The following TNRC6A variants were observed in gnomAD, a reference collection of about 807,000 sequenced individuals.
TNRC6A encodes trinucleotide repeat-containing gene 6A protein.
A neutral mutation model predicts 221.2 loss-of-function variants in TNRC6A; 44 were observed. The ratio of observed to expected loss-of-function variants is 0.20; its 90% CI spans 0.16 to 0.26. The LOEUF (loss-of-function observed/expected upper bound fraction) is 0.26, where lower values mean the gene tolerates loss of function less well. Among genes scored for constraint, TNRC6A ranks in the 10% least tolerant of loss-of-function variants. The pLI is 1.00. For missense variants in TNRC6A, 2,199 were observed against 2,404.4 expected (o/e 0.91, Z 1.79); for synonymous variants, 847 against 838.5 (o/e 1.01, Z -0.18).
chr16:24,627,154 G>A (rs1329196862), intron 1 of TNRC6A, among the ~76,000 whole-genome samples: 1 of 151,924 alleles, frequency 6.6e-6, no homozygotes, highest in Admixed American at 6.6e-5. Flanking sequence ...CTCACCTGCC[G>A]CAGCTTCTGT....
chr16:24,776,466 G>T (rs2057719858), intron 4 of TNRC6A: 1 of 985,250 alleles, frequency 1.0e-6, no homozygotes, highest in Non-Finnish European at 1.2e-6. Flanking sequence ...ACCTTGTGTT[G>T]TTCTTGTGTT....
intron 1 of TNRC6A, among the ~76,000 whole-genome samples, chr16:24,627,697 C>CTTTTTTT (rs57520356): frequency 9.8e-6 from 1 of 101,784 alleles, no homozygotes; most frequent in Non-Finnish European, 1.9e-5. Flanking sequence ...TCTTTTCTTG[C>CTTTTTTT]TTTTTTTTTT....
chr16:24,809,271 C>G lies in TNRC6A; in HGVS notation c.4541-79C>G, dbSNP rs533236597. ...TTGAAAACATTAGTTACATGTTTTT[C>G]TAGGAAATAGAAGTTGTGCTACTAG... On this transcript the variant is annotated intron_variant, in intron 17 of 24. Transcript: ENST00000395799. The G allele has an allele frequency of 3.2e-5, 41 of 1,288,540 alleles. No homozygotes were observed. The East Asian group carries it at 1.0e-3, about 32-fold the overall frequency. 79.8% of individuals were successfully genotyped at this position (1,288,540 alleles called of 1,614,324 possible). A position where few individuals can be genotyped will look rare whatever the true frequency, so the allele number is the denominator to read the frequency against.
Position 24,729,949 on chromosome 16 carries a change from C to T in TNRC6A, c.5+103C>T, listed in dbSNP as rs1027155262. The T allele has an allele frequency of 7.6e-6, 8 of 1,046,726 alleles. No homozygotes were observed. The South Asian group carries it at 2.3e-4, about 30-fold the overall frequency. The allele number at this position is 1,046,726 out of a possible 1,614,324, so 64.8% of individuals were successfully genotyped here. On this transcript the variant is annotated intron_variant, in intron 1 of 24. Coordinates refer to ENST00000395799, the MANE Select transcript of TNRC6A (RefSeq NM_014494.4). ...CAGCAGAGGCGGCGGCGCCGGGCGT[C>T]CCCGAGACTTCGGGCCTCGGCGGGA...
At chr16:24,805,547 C>T (rs547320618) in intron 14 of TNRC6A, 58 bp from the exon 15 acceptor site, 23 of 1,597,540 alleles carry the variant, frequency 1.4e-5, no homozygotes, top group South Asian at 4.5e-5. Context: ...ACACACAGTA[C>T]GTGTAGTTAG....
chr16:24,791,346 A>G lies in TNRC6A; in HGVS notation c.2704A>G (p.Ile902Val), dbSNP rs764032897. The change falls in exon 6 of 25, where the codon ATA becomes GTA. Residue 902 changes from isoleucine to valine, a missense_variant. This residue lies in a region of TNRC6A where 1,405 missense variants were observed against 1,400.2 expected (regional missense o/e 1.00). Coordinates refer to ENST00000395799, the MANE Select transcript of TNRC6A (RefSeq NM_014494.4). ...TAGTTCTTTCACTTGGGGAAACAAC[A>G]TAAATCCAAATAATTCATCAGGATG... Reference protein sequence around the residue: ...KTSSFTWGNNINPNNSSGWDE... With the variant: ...KTSSFTWGNNVNPNNSSGWDE... 29 of 1,599,548 alleles carry G rather than the reference A, an allele frequency of 1.8e-5. No homozygotes were observed. Among genetic ancestry groups the G allele is most frequent in the East Asian group, 2.2e-5 (1 of 44,816 alleles).
At position 24,816,807 on chromosome 16, in the gene TNRC6A, C is replaced by T. The variant is rs772321361; in HGVS notation, c.4832-9C>T. Reference sequence around the variant, plus strand: ...AAGCTTTGAACTAATTTTAAATTTCCGTTTCCAGAATTTCGTCCTGGTGAG... The same window carrying T: ...AAGCTTTGAACTAATTTTAAATTTCTGTTTCCAGAATTTCGTCCTGGTGAG... On this transcript the variant is annotated splice_polypyrimidine_tract_variant and intron_variant, in intron 19 of 24. Coordinates refer to ENST00000395799, the MANE Select transcript of TNRC6A (RefSeq NM_014494.4). 6 of 1,598,652 alleles carry T rather than the reference C, an allele frequency of 3.8e-6. No homozygotes were observed. The highest frequency in any genetic ancestry group is 2.3e-5 in the South Asian group (2 of 87,942).
intron 2 of TNRC6A, among the ~76,000 whole-genome samples, chr16:24,654,463 G>C (rs1902843969): frequency 1.3e-5 from 2 of 152,134 alleles, no homozygotes; most frequent in African/African-American, 4.8e-5. Flanking sequence ...CCAGCACTTT[G>C]GGAAGCCAAG....
chr16:24,767,689 A>C (rs2057502631), intron 4 of TNRC6A, among the ~76,000 whole-genome samples: 1 of 152,168 alleles, frequency 6.6e-6, no homozygotes, highest in Non-Finnish European at 1.5e-5. Context: ...GTTTATTTTT[A>C]TACTGTATAT....
At chr16:24,669,753 G>T (rs1305508316) in intron 2 of TNRC6A, among the ~76,000 whole-genome samples, 2 of 151,850 alleles carry the variant, frequency 1.3e-5, no homozygotes, top group Non-Finnish European at 2.9e-5. Flanking sequence ...GCTGGCAGGA[G>T]GAGGAATAAC....
At chr16:24,647,661 G>T (rs955885494) in intron 2 of TNRC6A, among the ~76,000 whole-genome samples, 6 of 152,138 alleles carry the variant, frequency 3.9e-5, no homozygotes, top group African/African-American at 1.2e-4. Context: ...GCCCAGGCTG[G>T]AGTGCAGTGG....
rs181686692 is a variant in TNRC6A, at chr16:24,636,021, C to T, written n.277-4863C>T. Among the ~76,000 whole-genome samples, 4 of 152,310 alleles carry T rather than the reference C, an allele frequency of 2.6e-5. No individual in the cohort carries two copies. In the East Asian group the frequency reaches 7.7e-4, roughly 29 times the overall value. On this transcript the variant is annotated intron_variant and non_coding_transcript_variant, in intron 1 of 2. Coordinates refer to the TNRC6A transcript ENST00000566108. The stretch of plus-strand genomic sequence containing the variant: ...ACCCATCCAAGTGCATTGGATTTGG[C>T]AATATGCAGGGCACTGATCGCCTTG...
intron 11 of TNRC6A, 132 bp downstream of exon 11, chr16:24,798,098 G>A (rs1357141756): frequency 3.1e-6 from 2 of 636,640 alleles, no homozygotes; most frequent in South Asian, 3.0e-5. Context: ...TACACATGCT[G>A]TGGTTAAATG....
At position 24,764,723 on chromosome 16, in the gene TNRC6A, T is replaced by A. The variant is rs571324683; in HGVS notation, c.163+6363T>A. Among the ~76,000 whole-genome samples the A allele has an allele frequency of 3.9e-5, 6 of 152,330 alleles. No homozygotes were observed. The East Asian group carries it at 1.2e-3, about 29-fold the overall frequency. Reference sequence around the variant, plus strand: ...ACATGGGAGTACAGGTATTTCTACATGGTTCTGATTTCATTTCCTTTGGGT... The same window carrying A: ...ACATGGGAGTACAGGTATTTCTACAAGGTTCTGATTTCATTTCCTTTGGGT... On this transcript the variant is annotated intron_variant, in intron 4 of 24. Transcript: ENST00000395799.
At position 24,784,920 on chromosome 16, in the gene TNRC6A, G is replaced by A. The variant is rs189383530; in HGVS notation, c.590-4312G>A. Among the ~76,000 whole-genome samples, 131 of 152,232 alleles carry A rather than the reference G, an allele frequency of 8.6e-4. 3 individuals are homozygous for A. The East Asian group carries it at 0.021, about 25-fold the overall frequency. ...ATTCTAACATTAACAAGTGAAATCT[G>A]CCACGTATGGTTTATGTATAAAAAT... On this transcript the variant is annotated intron_variant, in intron 5 of 24. Coordinates refer to ENST00000395799, the MANE Select transcript of TNRC6A (RefSeq NM_014494.4).
intron 23 of TNRC6A, 107 bp from the exon 24 acceptor site, chr16:24,822,767 G>C: frequency 6.8e-7 from 1 of 1,462,536 alleles, no homozygotes. Context: ...GGTGCCAGGA[G>C]CACAGAGCCT....
intron 2 of TNRC6A, among the ~76,000 whole-genome samples, chr16:24,701,997 A>C (rs80197640): frequency 0.18 from 27,199 of 151,740 alleles, 2,910 homozygotes; most frequent in South Asian, 0.27. Context: ...AACAAAAAAA[A>C]CACGCCTCTC....
chr16:24,769,333 A>G (rs764986208), intron 4 of TNRC6A, among the ~76,000 whole-genome samples: 7 of 151,990 alleles, frequency 4.6e-5, no homozygotes, highest in Non-Finnish European at 1.0e-4. Flanking sequence ...CAGACTAGGA[A>G]AAGGTAGGGT....
intron 2 of TNRC6A, among the ~76,000 whole-genome samples, chr16:24,705,001 T>A (rs1382963139): frequency 6.6e-6 from 1 of 152,034 alleles, no homozygotes; most frequent in Non-Finnish European, 1.5e-5. Context: ...GAACTTAAAT[T>A]TTTTTTAATT....
Sources: gnomAD v4.1 joint callset for allele counts (sites outside exome capture counted in the v4.1 genomes callset) on GRCh38, gnomAD v4.1.1 for gene constraint, gnomAD v4.1.1 regional missense constraint, MANE v1.5 for transcripts, NCBI Gene and HGNC (gene_info 2026-07-23, HGNC 2026-07-21) for gene names.